SPATS2: variants seen among roughly 807,000 people sequenced by gnomAD.
SPATS2 encodes spermatogenesis-associated serine-rich protein 2.
In SPATS2, 38 loss-of-function variants were observed where a neutral mutation model predicts 63.7. The ratio of observed to expected loss-of-function variants is 0.60; its 90% CI spans 0.46 to 0.78. The LOEUF is 0.78. Among genes scored for constraint, SPATS2 ranks in the 30% least tolerant of loss-of-function variants. The pLI is 0.00. For synonymous variants in SPATS2, 207 were observed against 232.9 expected (o/e 0.89, Z 1.01); for missense variants, 588 against 666.2 (o/e 0.88, Z 1.29).
Position 49,388,912 on chromosome 12 carries a change from T to G in SPATS2, c.-244+17622T>G, listed in dbSNP as rs573944497. 2.6e-5 allele frequency among the ~76,000 whole-genome samples: 4 copies of G among 152,116 alleles called. No individual in the cohort carries two copies. In the East Asian group the frequency reaches 7.7e-4, roughly 29 times the overall value. ...TCTCACTATGTTGGCCAGGCTGGTC[T>G]TGAACTCCTGGTCTCAAGCAGTCCT... On this transcript the variant is annotated intron_variant, in intron 2 of 13. Coordinates refer to ENST00000552918, the MANE Select transcript of SPATS2 (RefSeq NM_023071.4).
intron 2 of SPATS2, among the ~76,000 whole-genome samples, chr12:49,417,966 C>G (rs1443523159): frequency 6.6e-6 from 1 of 152,152 alleles, no homozygotes; most frequent in Admixed American, 6.5e-5. Context: ...CTGCAACCTC[C>G]ACCTCCCGGC....
intron 1 of SPATS2, among the ~76,000 whole-genome samples, chr12:49,368,448 T>C (rs997746014): frequency 1.3e-5 from 2 of 152,214 alleles, no homozygotes; most frequent in African/African-American, 4.8e-5. Flanking sequence ...TTCAGTGTTT[T>C]GGAGAGAACC....
chr12:49,435,787 C>A (rs932037616), intron 2 of SPATS2, among the ~76,000 whole-genome samples: 4 of 150,188 alleles, frequency 2.7e-5, no homozygotes, highest in Non-Finnish European at 3.0e-5. Context: ...GAGGACCCTG[C>A]GGCCTTCCGC....
intron 2 of SPATS2, among the ~76,000 whole-genome samples, chr12:49,386,298 G>C (rs7958594): frequency 0.035 from 5,351 of 151,738 alleles, 125 homozygotes; most frequent in Non-Finnish European, 0.055. Flanking sequence ...CCAGTAGCTG[G>C]GATTACAGGC....
At chr12:49,447,973 C>G (rs78027977) in intron 2 of SPATS2, among the ~76,000 whole-genome samples, 2 of 151,474 alleles carry the variant, frequency 1.3e-5, no homozygotes, top group East Asian at 3.9e-4. Context: ...GTAGTATTTC[C>G]TACCTTCTGC....
intron 2 of SPATS2, among the ~76,000 whole-genome samples, chr12:49,440,076 C>T (rs941977230): frequency 2.6e-5 from 4 of 152,164 alleles, no homozygotes; most frequent in Admixed American, 1.3e-4. Context: ...TTCTTTAGCA[C>T]CAAATGTTAA....
chr12:49,469,353 G>T (rs1945988366), intron 3 of SPATS2, among the ~76,000 whole-genome samples: 1 of 132,774 alleles, frequency 7.5e-6, no homozygotes, highest in Admixed American at 8.5e-5. Context: ...TTGCGCCACT[G>T]CATTCCATCC....
intron 2 of SPATS2, among the ~76,000 whole-genome samples, chr12:49,459,750 C>G (rs964393078): frequency 7.8e-6 from 1 of 127,806 alleles, no homozygotes; most frequent in Non-Finnish European, 1.7e-5. Context: ...TCCCCCCCCC[C>G]CCCCATATTT....
At chr12:49,454,433 G>A (rs1225973181) in intron 2 of SPATS2, 1 of 152,172 alleles carries the variant, frequency 6.6e-6, no homozygotes, top group Non-Finnish European at 1.5e-5. Flanking sequence ...CAACTAATGT[G>A]GGCTATCTAA....
Position 49,387,638 on chromosome 12 carries a change from CAA to C in SPATS2, c.-244+16368_-244+16369del, listed in dbSNP as rs35910147. Reference sequence around the variant, plus strand: ...TGGGCAACAGAACTAGACTCTGTCTCAAAAAAAAAAAAAAAAAAAAAGAATGT... The same window carrying C: ...TGGGCAACAGAACTAGACTCTGTCTCAAAAAAAAAAAAAAAAAAAGAATGT... On this transcript the variant is annotated intron_variant, in intron 2 of 13. Coordinates refer to ENST00000552918, the MANE Select transcript of SPATS2 (RefSeq NM_023071.4). Among the ~76,000 whole-genome samples the C allele has an allele frequency of 9.7e-3, 641 of 66,154 alleles. 3 individuals are homozygous for C. The highest frequency in any genetic ancestry group is 0.03 in the African/African-American group (611 of 20,142). The allele number at this position is 66,154 out of a possible 152,430, so 43.4% of individuals were successfully genotyped here.
At chr12:49,386,245 A>G (rs549859841) in intron 2 of SPATS2, among the ~76,000 whole-genome samples, 23 of 151,606 alleles carry the variant, frequency 1.5e-4, no homozygotes, top group African/African-American at 5.3e-4. Context: ...GCTCACTGCA[A>G]CCTCCGCCTC....
At chr12:49,414,379 A>G (rs1214788571) in intron 2 of SPATS2, among the ~76,000 whole-genome samples, 3 of 152,146 alleles carry the variant, frequency 2.0e-5, no homozygotes, top group Non-Finnish European at 2.9e-5. Flanking sequence ...TGTCTTTGAC[A>G]TCTGAACTAG....
intron 2 of SPATS2, among the ~76,000 whole-genome samples, chr12:49,384,115 T>C (rs1944269788): frequency 6.6e-6 from 1 of 152,174 alleles, no homozygotes; most frequent in African/African-American, 2.4e-5. Flanking sequence ...TTTGGATTCC[T>C]CCAGTTTTTC....
At position 49,522,313 on chromosome 12, in the gene SPATS2, TG is replaced by T. The variant is rs60845885; in HGVS notation, c.1009-437del. Among the ~76,000 whole-genome samples the T allele has an allele frequency of 2.9e-3, 439 of 152,346 alleles. 2 individuals are homozygous for T. The highest frequency in any genetic ancestry group is 0.01 in the African/African-American group (426 of 41,580). On this transcript the variant is annotated intron_variant, in intron 11 of 13. Coordinates refer to ENST00000552918, the MANE Select transcript of SPATS2 (RefSeq NM_023071.4). ...GAAATCCTACTTTATTATAAAGAGA[TG>T]AAGTAGGTTTCCTAAGGAAGTTCCT...
chr12:49,510,174 G>A (rs1265667137), intron 9 of SPATS2, among the ~76,000 whole-genome samples: 2 of 150,822 alleles, frequency 1.3e-5, no homozygotes, highest in Non-Finnish European at 2.9e-5. Flanking sequence ...TGAGCAGGAG[G>A]ATTGCTTGAG....
At position 49,449,552 on chromosome 12, in the gene SPATS2, C is replaced by T. The variant is rs144069910; in HGVS notation, c.-243-11218C>T. ...TAATCAATGTATTAGTCTGTTCCCA[C>T]GCTGCAAATAAAGACATATCTGAGA... On this transcript the variant is annotated intron_variant, in intron 2 of 13. Coordinates refer to ENST00000552918, the MANE Select transcript of SPATS2 (RefSeq NM_023071.4). Among the ~76,000 whole-genome samples the T allele has an allele frequency of 6.6e-4, 101 of 152,216 alleles. 4 individuals carry two copies. In the East Asian group the frequency reaches 0.011, roughly 17 times the overall value.
chr12:49,459,523 T>G (rs1175767605), intron 2 of SPATS2, among the ~76,000 whole-genome samples: 20 of 151,866 alleles, frequency 1.3e-4, no homozygotes, highest in African/African-American at 4.8e-4. Context: ...TAATTTTGTA[T>G]TTTTGGTAGA....
At chr12:49,485,286 C>G (rs993581391) in intron 4 of SPATS2, among the ~76,000 whole-genome samples, 17 of 151,882 alleles carry the variant, frequency 1.1e-4, no homozygotes, top group Admixed American at 2.6e-4. Flanking sequence ...GATCTCCTGA[C>G]CTCGTAATCT....
At chr12:49,396,856 C>T (rs1944521205) in intron 2 of SPATS2, among the ~76,000 whole-genome samples, 1 of 152,172 alleles carries the variant, frequency 6.6e-6, no homozygotes, top group African/African-American at 2.4e-5. Context: ...TTCAGGTATT[C>T]ATGTGTATCA....
Sources: gnomAD v4.1 joint callset for allele counts (sites outside exome capture counted in the v4.1 genomes callset) on GRCh38, gnomAD v4.1.1 for gene constraint, MANE v1.5 for transcripts, NCBI Gene and HGNC (gene_info 2026-07-23, HGNC 2026-07-21) for gene names.